Variants in PRKG1 observed in about 807,000 individuals in gnomAD.
PRKG1 encodes cGMP-dependent protein kinase 1.
Under a neutral mutation model 88.1 loss-of-function variants are expected in PRKG1, and 35 were observed. The ratio of observed to expected loss-of-function variants is 0.40; its 90% CI spans 0.30 to 0.53. The LOEUF (loss-of-function observed/expected upper bound fraction) is 0.53, where lower values mean the gene tolerates loss of function less well. PRKG1 is among the 20% of genes least tolerant of loss of function. The pLI is 0.59. For missense variants in PRKG1, 540 were observed against 839.8 expected (o/e 0.64, Z 4.41); for synonymous variants, 303 against 292.5 (o/e 1.04, Z -0.37).
chr10:51,949,953 C>T (rs868538277), intron 5 of PRKG1, among the ~76,000 whole-genome samples: 3 of 152,104 alleles, frequency 2.0e-5, no homozygotes, highest in African/African-American at 7.2e-5. Context: ...GTGAAGATTT[C>T]AAGGAAAGCA....
Position 52,041,897 on chromosome 10 carries a change from A to G in PRKG1, c.763-12587A>G, listed in dbSNP as rs548981516. On this transcript the variant is annotated intron_variant, in intron 5 of 17. Coordinates refer to ENST00000373980, the MANE Select transcript of PRKG1 (RefSeq NM_006258.4). ...ATATATTTAAATTGGTAGCTTTTCCATAAATTAACAGTGAACTATCTAAAA... is the reference window on the plus strand; with the variant it reads ...ATATATTTAAATTGGTAGCTTTTCCGTAAATTAACAGTGAACTATCTAAAA... Among the ~76,000 whole-genome samples, 6 of 152,220 alleles carry G rather than the reference A, an allele frequency of 3.9e-5. No individual in the cohort carries two copies. The East Asian group carries it at 1.2e-3, about 29-fold the overall frequency.
chr10:52,148,186 A>T (rs534531825), intron 8 of PRKG1, among the ~76,000 whole-genome samples: 17 of 152,264 alleles, frequency 1.1e-4, no homozygotes, highest in African/African-American at 3.6e-4. Context: ...TCACTTATGT[A>T]TTCTCATCTA....
intron 1 of PRKG1, among the ~76,000 whole-genome samples, chr10:51,118,494 TC>T (rs1845184696): frequency 1.3e-5 from 2 of 152,164 alleles, no homozygotes; most frequent in Non-Finnish European, 2.9e-5. Flanking sequence ...TGATAATAAC[TC>T]TGTTTATTAT....
At chr10:52,251,837 G>A in intron 10 of PRKG1, 171 bp downstream of exon 10, 1 of 571,300 alleles carries the variant, frequency 1.8e-6, no homozygotes, top group Non-Finnish European at 3.0e-6. Context: ...TAGACACAAA[G>A]TGGGCTAAAT....
intron 4 of PRKG1, among the ~76,000 whole-genome samples, chr10:51,829,197 A>G (rs10823672): frequency 0.21 from 31,893 of 152,160 alleles, 5,368 homozygotes; most frequent in African/African-American, 0.47. Context: ...TGGCTTCTCT[A>G]AGGATAAATG....
chr10:51,031,932 A>G (rs764638393), intron 1 of PRKG1, among the ~76,000 whole-genome samples: 6 of 152,240 alleles, frequency 3.9e-5, no homozygotes, highest in Non-Finnish European at 8.8e-5. Context: ...GAAAGCCTAA[A>G]GAAATGTTAA....
chr10:52,271,974 A>C (rs1358398636), intron 11 of PRKG1, among the ~76,000 whole-genome samples: 2 of 152,074 alleles, frequency 1.3e-5, no homozygotes, highest in Non-Finnish European at 2.9e-5. Flanking sequence ...ACTGAAAACA[A>C]GATGTAACAT....
chr10:51,571,840 G>T (rs554183206), intron 3 of PRKG1, among the ~76,000 whole-genome samples: 1 of 151,900 alleles, frequency 6.6e-6, no homozygotes, highest in Admixed American at 6.6e-5. Flanking sequence ...ATATATTATT[G>T]TGGAGAATTC....
At chr10:52,056,214 C>T (rs1846107268) in intron 6 of PRKG1, among the ~76,000 whole-genome samples, 1 of 152,028 alleles carries the variant, frequency 6.6e-6, no homozygotes, top group Non-Finnish European at 1.5e-5. Context: ...ATTGTTAGAG[C>T]TTATCATTTA....
intron 9 of PRKG1, among the ~76,000 whole-genome samples, chr10:52,221,273 A>G (rs901594902): frequency 2.0e-5 from 3 of 152,166 alleles, no homozygotes; most frequent in Admixed American, 6.6e-5. Flanking sequence ...CCATAACATA[A>G]TAAATGTTTA....
chr10:51,495,724 T>C (rs1840832468), intron 3 of PRKG1, among the ~76,000 whole-genome samples: 1 of 152,190 alleles, frequency 6.6e-6, no homozygotes, highest in African/African-American at 2.4e-5. Context: ...ATGCAAGACT[T>C]TGGCAACGTT....
At position 51,016,673 on chromosome 10, in the gene PRKG1, C is replaced by CTTCTTTCTTTTTTTTTTTTTTTTTT. The variant is rs1564571435; in HGVS notation, c.266+25031_266+25032insCTTTCTTTTTTTTTTTTTTTTTTTT. ...AGTGAAGAAGGTATTATTATCCTTTCTTTTTTTTTTTTTTTTTTTGGAATC... is the reference window on the plus strand; with the variant it reads ...AGTGAAGAAGGTATTATTATCCTTTCTTCTTTCTTTTTTTTTTTTTTTTTTTTTTTTTTTTTTTTTTTTTGGAATC... On this transcript the variant is annotated intron_variant, in intron 1 of 17. Transcript: ENST00000401604. 2.4e-3 allele frequency among the ~76,000 whole-genome samples: 83 copies of CTTCTTTCTTTTTTTTTTTTTTTTTT among 35,190 alleles called. 3 individuals are homozygous for CTTCTTTCTTTTTTTTTTTTTTTTTT. Among genetic ancestry groups the CTTCTTTCTTTTTTTTTTTTTTTTTT allele is most frequent in the Middle Eastern group, 0.024 (1 of 42 alleles). 23.1% of individuals were successfully genotyped at this position (35,190 alleles called of 152,430 possible).
chr10:51,607,599 A>G (rs974722118), intron 3 of PRKG1, among the ~76,000 whole-genome samples: 1 of 152,186 alleles, frequency 6.6e-6, no homozygotes, highest in African/African-American at 2.4e-5. Context: ...TATCTGGTAA[A>G]TAATACTCAC....
chr10:51,602,778 G>A (rs3862582), intron 3 of PRKG1, among the ~76,000 whole-genome samples: 42,891 of 110,310 alleles, frequency 0.39, 7,746 homozygotes, highest in Non-Finnish European at 0.45. Flanking sequence ...GTGTGTGTGT[G>A]TGTATATATT....
rs534028286 is a variant in PRKG1 at position 52,038,984 on chromosome 10, A to G, written c.763-15500A>G. ...GCTTACCTGATTTAAAATTGGTGAGATGTTCCTTGGGCTGGTCAGTCTGAG... is the reference window on the plus strand; with the variant it reads ...GCTTACCTGATTTAAAATTGGTGAGGTGTTCCTTGGGCTGGTCAGTCTGAG... On this transcript the variant is annotated intron_variant, in intron 5 of 17. Transcript: ENST00000373980. Among the ~76,000 whole-genome samples, 4 of 152,232 alleles carry G rather than the reference A, an allele frequency of 2.6e-5. 1 individual carries two copies. The highest frequency in any genetic ancestry group is 4.1e-4 in the South Asian group (2 of 4,830).
chr10:52,263,016 A>C (rs1025931965), intron 10 of PRKG1, among the ~76,000 whole-genome samples: 3 of 152,156 alleles, frequency 2.0e-5, no homozygotes, highest in African/African-American at 4.8e-5. Context: ...AGATGCAGAA[A>C]GCTGACTGTA....
At chr10:51,948,110 A>G (rs546913746) in intron 5 of PRKG1, among the ~76,000 whole-genome samples, 1 of 152,094 alleles carries the variant, frequency 6.6e-6, no homozygotes, top group African/African-American at 2.4e-5. Context: ...TTATGACAAC[A>G]TTTCTCAATT....
At chr10:51,304,997 G>T (rs1162835152) in intron 2 of PRKG1, among the ~76,000 whole-genome samples, 3 of 152,066 alleles carry the variant, frequency 2.0e-5, no homozygotes, top group African/African-American at 7.2e-5. Flanking sequence ...TCTATGTGCT[G>T]CTAGAAAATG....
chr10:51,216,299 G>T (rs1838369576), intron 2 of PRKG1, among the ~76,000 whole-genome samples: 1 of 152,182 alleles, frequency 6.6e-6, no homozygotes, highest in Non-Finnish European at 1.5e-5. Context: ...CTTTACATAA[G>T]TTATCTTACA....
Sources: allele counts gnomAD v4.1 joint callset (sites outside exome capture counted in the v4.1 genomes callset), GRCh38; gene constraint gnomAD v4.1.1; transcripts MANE v1.5; gene names NCBI Gene and HGNC (gene_info 2026-07-23, HGNC 2026-07-21).